CEACAM21: variants seen among roughly 807,000 people sequenced by gnomAD.
CEACAM21 encodes CEA cell adhesion molecule 21.
Under a neutral mutation model 33.2 loss-of-function variants are expected in CEACAM21, and 38 were observed. That is an observed-to-expected ratio of 1.14 (90% CI 0.88 to 1.50). The LOEUF (loss-of-function observed/expected upper bound fraction) is 1.50. Ranked by LOEUF, CEACAM21 falls within the 40% of genes most tolerant of loss-of-function variation. The pLI is 0.00. For synonymous variants in CEACAM21, 156 were observed against 143.0 expected, an observed-to-expected ratio of 1.09 and a Z score of -0.65; for missense variants, 385 against 364.6, an observed-to-expected ratio of 1.06 and a Z score of -0.46.
chr19:41,579,765 G>A (rs2043237026), intron 3 of CEACAM21, 137 bp downstream of exon 3: 7 of 660,838 alleles, frequency 1.1e-5, no homozygotes, highest in Non-Finnish European at 1.8e-5. Flanking sequence ...AGAACTCAGG[G>A]ATTAGACTCA....
intron 2 of CEACAM21, among the ~76,000 whole-genome samples, chr19:41,565,272 T>A (rs1555788045): frequency 6.6e-6 from 1 of 151,138 alleles, no homozygotes; most frequent in Non-Finnish European, 1.5e-5. Context: ...GGAGGCACAG[T>A]GGGGAGGAGA....
upstream of CEACAM21, among the ~76,000 whole-genome samples, chr19:41,575,563 G>A (rs1264893330): frequency 1.2e-4 from 19 of 152,176 alleles, no homozygotes; most frequent in Admixed American, 5.9e-4. Context: ...CACGGAGAGG[G>A]TCCCCCTGAA....
chr19:41,581,207 C>T (rs1162892896), intron 3 of CEACAM21, among the ~76,000 whole-genome samples: 10 of 152,350 alleles, frequency 6.6e-5, no homozygotes, highest in South Asian at 2.1e-4. Flanking sequence ...GGTGGAAAAC[C>T]GCTTAAAGGC....
chr19:41,576,207 C>T lies in CEACAM21; in HGVS notation c.-68C>T, dbSNP rs192912486. 4.7e-4 allele frequency: 731 copies of T among 1,570,376 alleles called. 1 individual carries two copies. The African/African-American group carries it at 8.4e-3, about 18-fold the overall frequency. On this transcript the variant is annotated 5_prime_UTR_variant, in exon 1 of 7. Transcript: ENST00000401445. ...CAGCAGAGACAACAGTCACAGTAACCCTGTCTAGAGCGTTCCTGGAGCCCA... is the reference window on the plus strand; with the variant it reads ...CAGCAGAGACAACAGTCACAGTAACTCTGTCTAGAGCGTTCCTGGAGCCCA...
intron 2 of CEACAM21, among the ~76,000 whole-genome samples, chr19:41,566,706 CCTT>C (rs1283860494): frequency 6.6e-6 from 1 of 152,114 alleles, no homozygotes; most frequent in African/African-American, 2.4e-5. Flanking sequence ...AAGTTTTAAA[CCTT>C]CTGAGAATTG....
chr19:41,582,883 A>C (rs781853157), intron 3 of CEACAM21, among the ~76,000 whole-genome samples: 1 of 152,222 alleles, frequency 6.6e-6, no homozygotes, highest in Non-Finnish European at 1.5e-5. Context: ...CTTGGGGATT[A>C]ACATTTTGCT....
chr19:41,564,420 A>T (rs2042121331), intron 1 of CEACAM21, among the ~76,000 whole-genome samples: 1 of 151,958 alleles, frequency 6.6e-6, no homozygotes, highest in Non-Finnish European at 1.5e-5. Context: ...CGCCTTAGCT[A>T]ATCCTGCGTT....
intron 4 of CEACAM21, among the ~76,000 whole-genome samples, chr19:41,584,728 G>A (rs1040146923): frequency 3.9e-5 from 6 of 152,090 alleles, no homozygotes; most frequent in East Asian, 1.9e-4. Flanking sequence ...AGGGGGGAGC[G>A]GTGCTCAATA....
At chr19:41,559,685 G>A (rs2041754744) in intron 1 of CEACAM21, among the ~76,000 whole-genome samples, 1 of 152,188 alleles carries the variant, frequency 6.6e-6, no homozygotes. Context: ...CTCATAAATA[G>A]GAATGAAAAT....
At chr19:41,577,999 T>A (rs1372006801) in intron 2 of CEACAM21, among the ~76,000 whole-genome samples, 3 of 152,136 alleles carry the variant, frequency 2.0e-5, no homozygotes, top group Non-Finnish European at 2.9e-5. Flanking sequence ...CAGGGCTGGG[T>A]TGTGGCTTCC....
intron 3 of CEACAM21, among the ~76,000 whole-genome samples, chr19:41,581,208 G>A (rs1007506767): frequency 6.6e-6 from 1 of 152,238 alleles, no homozygotes; most frequent in East Asian, 1.9e-4. Flanking sequence ...GTGGAAAACC[G>A]CTTAAAGGCG....
upstream of CEACAM21, among the ~76,000 whole-genome samples, chr19:41,575,182 C>T (rs1259072236): frequency 9.3e-5 from 14 of 150,656 alleles, no homozygotes; most frequent in African/African-American, 3.5e-4. Context: ...GTGGGTGGGG[C>T]AGGGGGAAGT....
intron 1 of CEACAM21, among the ~76,000 whole-genome samples, chr19:41,576,992 C>A (rs1301993830): frequency 6.6e-6 from 1 of 152,030 alleles, no homozygotes; most frequent in South Asian, 2.1e-4. Flanking sequence ...ACCATGCAGA[C>A]CCCTGGGAAA....
intron 1 of CEACAM21, among the ~76,000 whole-genome samples, chr19:41,555,987 A>G (rs62119418): frequency 0.097 from 14,735 of 152,236 alleles, 2,166 homozygotes; most frequent in African/African-American, 0.32. Flanking sequence ...AACCAAAGCA[A>G]TCAGCCAAGA....
chr19:41,575,135 G>A (rs1365033700), upstream of CEACAM21, among the ~76,000 whole-genome samples: 1 of 152,078 alleles, frequency 6.6e-6, no homozygotes, highest in Non-Finnish European at 1.5e-5. Flanking sequence ...TGTAAACTAG[G>A]CAAATTCACA....
intron 6 of CEACAM21, chr19:41,586,102 A>G (rs571245252): frequency 3.3e-6 from 2 of 608,588 alleles, no homozygotes; most frequent in South Asian, 1.9e-5. Flanking sequence ...TGGAATTCCT[A>G]CACAGCAGGA....
intron 2 of CEACAM21, among the ~76,000 whole-genome samples, chr19:41,567,817 T>C (rs1318579576): frequency 3.3e-5 from 5 of 151,602 alleles, no homozygotes; most frequent in African/African-American, 9.7e-5. Flanking sequence ...GTAGGGAAGA[T>C]GGTGGGTCCC....
At chr19:41,584,317 G>C in intron 3 of CEACAM21, 30 bp from the exon 4 acceptor site, 1 of 1,586,020 alleles carries the variant, frequency 6.3e-7, no homozygotes, top group South Asian at 1.1e-5. Flanking sequence ...AACAGATTTG[G>C]ACCTCATCCC....
chr19:41,575,116 T>C (rs2122214047), upstream of CEACAM21, among the ~76,000 whole-genome samples: 1 of 152,324 alleles, frequency 6.6e-6, no homozygotes, highest in Non-Finnish European at 1.5e-5. Context: ...TTCCTTATTA[T>C]ATGAGACATG....
Sources: allele counts gnomAD v4.1 joint callset (sites outside exome capture counted in the v4.1 genomes callset), GRCh38; gene constraint gnomAD v4.1.1; transcripts MANE v1.5; gene names NCBI Gene and HGNC (gene_info 2026-07-23, HGNC 2026-07-21).